The following GLIS3 variants were observed in gnomAD, a reference collection of about 807,000 sequenced individuals.
GLIS3 encodes the protein zinc finger protein GLIS3.
In GLIS3, 53 loss-of-function variants were observed where a neutral mutation model predicts 78.6. The ratio of observed to expected loss-of-function variants is 0.67; its 90% CI spans 0.54 to 0.85. The LOEUF is 0.85. Ranked by LOEUF, GLIS3 falls within the 40% of genes least tolerant of loss-of-function variation. The pLI is 0.00. For missense variants in GLIS3, 1,703 were observed against 1,231.1 expected (o/e 1.38, Z -5.74); for synonymous variants, 684 against 509.9 (o/e 1.34, Z -4.60).
intron 2 of GLIS3, among the ~76,000 whole-genome samples, chr9:4,143,561 T>C (rs964812722): frequency 1.1e-4 from 14 of 124,350 alleles, no homozygotes; most frequent in African/African-American, 4.2e-4. Flanking sequence ...AGCAAGACTG[T>C]CTCAAAAAAA....
At chr9:4,300,935 C>T (rs72690085), upstream of GLIS3, among the ~76,000 whole-genome samples, 10,553 of 152,024 alleles carry the variant, frequency 0.069, 500 homozygotes, top group Non-Finnish European at 0.1. Flanking sequence ...AGGATGCCAC[C>T]AGACACTTAG....
At chr9:4,029,779 C>A (rs1037532056) in intron 4 of GLIS3, among the ~76,000 whole-genome samples, 1 of 152,160 alleles carries the variant, frequency 6.6e-6, no homozygotes. Flanking sequence ...ATGCAAATGA[C>A]TGGATCTCAT....
chr9:4,315,278 T>C (rs1817420911), intron 2 of GLIS3, among the ~76,000 whole-genome samples: 1 of 152,162 alleles, frequency 6.6e-6, no homozygotes, highest in Admixed American at 6.5e-5. Context: ...CCCAACATGA[T>C]GTTGAGAGGA....
chr9:4,466,003 A>C, the GLIS3 span, among the ~76,000 whole-genome samples: 1 of 152,344 alleles, frequency 6.6e-6, no homozygotes, highest in South Asian at 2.1e-4. Flanking sequence ...CAGAAAATCA[A>C]CGAATCCAAG....
chr9:3,904,991 G>A (rs1027437893), intron 6 of GLIS3, among the ~76,000 whole-genome samples: 2 of 115,522 alleles, frequency 1.7e-5, no homozygotes, highest in African/African-American at 7.3e-5. Flanking sequence ...TTTTTTTTTT[G>A]AGACGGAGTC....
chr9:4,439,604 A>T, the GLIS3 span, among the ~76,000 whole-genome samples: 1 of 152,186 alleles, frequency 6.6e-6, no homozygotes, highest in Admixed American at 6.5e-5. Flanking sequence ...TCTGGTAAAC[A>T]CCATTCTACT....
chr9:4,280,966 T>G (rs572332791), intron 2 of GLIS3, among the ~76,000 whole-genome samples: 48 of 152,186 alleles, frequency 3.2e-4, no homozygotes, highest in Non-Finnish European at 1.8e-4. Context: ...GCATGCTCAG[T>G]GTTTCAGTAA....
At chr9:4,172,992 C>G (rs919458584) in intron 2 of GLIS3, among the ~76,000 whole-genome samples, 2 of 152,292 alleles carry the variant, frequency 1.3e-5, no homozygotes, top group South Asian at 2.1e-4. Context: ...CCTCTCCTTT[C>G]TAAATGTTGG....
chr9:3,896,331 G>C (rs1822828321), intron 7 of GLIS3, among the ~76,000 whole-genome samples: 3 of 152,080 alleles, frequency 2.0e-5, no homozygotes, highest in Admixed American at 1.3e-4. Flanking sequence ...AAGGAAGAAA[G>C]TTAGAAAGCA....
chr9:3,978,916 A>G (rs1236573835), intron 4 of GLIS3, among the ~76,000 whole-genome samples: 1 of 152,200 alleles, frequency 6.6e-6, no homozygotes, highest in Non-Finnish European at 1.5e-5. Context: ...AATAAAAAAT[A>G]CAGTATAACA....
intron 7 of GLIS3, among the ~76,000 whole-genome samples, chr9:3,881,458 GCA>G (rs1563808357): frequency 6.6e-6 from 1 of 152,172 alleles, no homozygotes; most frequent in African/African-American, 2.4e-5. Context: ...AACTTGGTGT[GCA>G]CACTCTGTGC....
the GLIS3 span, chr9:4,386,449 G>A: frequency 6.6e-6 from 1 of 151,736 alleles, no homozygotes; most frequent in African/African-American, 2.4e-5. Flanking sequence ...TGTTATCCTT[G>A]TGCAAGGAGC....
intron 4 of GLIS3, among the ~76,000 whole-genome samples, chr9:4,089,208 G>T (rs1225501686): frequency 6.6e-6 from 1 of 152,126 alleles, no homozygotes; most frequent in African/African-American, 2.4e-5. Context: ...GTTTTGTGGG[G>T]ATGCACTGAT....
the GLIS3 span, among the ~76,000 whole-genome samples, chr9:4,457,828 G>A: frequency 3.0e-4 from 41 of 137,906 alleles, no homozygotes; most frequent in African/African-American, 1.1e-3. Flanking sequence ...CCAGCCTGGC[G>A]ACAGAACGAG....
chr9:4,247,290 T>G (rs530519787), intron 2 of GLIS3, among the ~76,000 whole-genome samples: 1 of 152,308 alleles, frequency 6.6e-6, no homozygotes, highest in East Asian at 1.9e-4. Flanking sequence ...GAAAGTACGG[T>G]TGTTTTAAAA....
chr9:4,061,491 A>T (rs117772797), intron 4 of GLIS3, among the ~76,000 whole-genome samples: 2,332 of 152,182 alleles, frequency 0.015, 39 homozygotes, highest in Non-Finnish European at 0.022. Context: ...AACTGTTAAC[A>T]TTACATCACA....
intron 2 of GLIS3, among the ~76,000 whole-genome samples, chr9:4,231,405 T>C (rs1042056977): frequency 1.3e-5 from 2 of 152,162 alleles, no homozygotes; most frequent in African/African-American, 2.4e-5. Flanking sequence ...GCCTGTAAGA[T>C]AGATTGGCCA....
At chr9:3,898,604 A>AT (rs1823045582) in intron 7 of GLIS3, 87 bp downstream of exon 7, 1 of 1,549,710 alleles carries the variant, frequency 6.5e-7, no homozygotes. Flanking sequence ...TCTTAGGAAA[A>AT]TTTTTCTCAC....
chr9:4,341,689 G>C (rs1203242169), intron 2 of GLIS3, among the ~76,000 whole-genome samples: 1 of 152,220 alleles, frequency 6.6e-6, no homozygotes, highest in Non-Finnish European at 1.5e-5. Flanking sequence ...CCTCTGGCCA[G>C]CTCTGATAAC....
Sources: allele counts gnomAD v4.1 joint callset (sites outside exome capture counted in the v4.1 genomes callset), GRCh38; gene constraint gnomAD v4.1.1; transcripts MANE v1.5; gene names NCBI Gene and HGNC (gene_info 2026-07-23, HGNC 2026-07-21).